Variants in DOCK4 observed in about 807,000 individuals in gnomAD.
DOCK4 encodes dedicator of cytokinesis 4.
DOCK4 carries 97 observed loss-of-function variants against 268.1 expected under a neutral mutation model. The ratio of observed to expected loss-of-function variants is 0.36; its 90% CI spans 0.31 to 0.43. The LOEUF (loss-of-function observed/expected upper bound fraction) is 0.43, where lower values mean the gene tolerates loss of function less well. DOCK4 is among the 20% of genes least tolerant of loss of function. The pLI is 1.00. For synonymous variants in DOCK4, 954 were observed against 887.2 expected, an observed-to-expected ratio of 1.08 and a Z score of -1.34; for missense variants, 2,145 against 2,455.7, an observed-to-expected ratio of 0.87 and a Z score of 2.67.
chr7:111,731,380 TA>T (rs1325097772), intron 52 of DOCK4, among the ~76,000 whole-genome samples: 1 of 152,200 alleles, frequency 6.6e-6, no homozygotes, highest in Non-Finnish European at 1.5e-5. Context: ...GCACATTAGC[TA>T]GAACTAGCTC....
intron 10 of DOCK4, among the ~76,000 whole-genome samples, chr7:111,944,517 C>T (rs1795461673): frequency 6.6e-6 from 1 of 152,136 alleles, no homozygotes; most frequent in Admixed American, 6.5e-5. Flanking sequence ...GAGACAAACA[C>T]AGAATTTTTG....
intron 1 of DOCK4, among the ~76,000 whole-genome samples, chr7:112,047,123 C>G (rs1043283008): frequency 1.3e-5 from 2 of 152,130 alleles, no homozygotes; most frequent in African/African-American, 4.8e-5. Flanking sequence ...CCTCCTAATT[C>G]GTGGGACACT....
chr7:112,087,183 T>C (rs965783863), intron 1 of DOCK4, among the ~76,000 whole-genome samples: 5 of 152,100 alleles, frequency 3.3e-5, no homozygotes, highest in African/African-American at 1.2e-4. Context: ...TCAACACCTG[T>C]AGTTCTTGAT....
At chr7:112,110,710 G>T (rs1166315780) in intron 1 of DOCK4, among the ~76,000 whole-genome samples, 2 of 152,178 alleles carry the variant, frequency 1.3e-5, no homozygotes, top group Non-Finnish European at 2.9e-5. Flanking sequence ...TAGCCTTTCA[G>T]ATTAAAGATT....
At chr7:111,816,514 T>C (rs1253003211) in intron 27 of DOCK4, among the ~76,000 whole-genome samples, 2 of 152,214 alleles carry the variant, frequency 1.3e-5, no homozygotes, top group Non-Finnish European at 2.9e-5. Flanking sequence ...TACCACTACC[T>C]ATGGCTTGGG....
At chr7:111,805,630 G>A (rs1032306926) in intron 30 of DOCK4, among the ~76,000 whole-genome samples, 1 of 152,164 alleles carries the variant, frequency 6.6e-6, no homozygotes, top group Non-Finnish European at 1.5e-5. Context: ...TTTAAAAGCA[G>A]ACAAGTCACT....
intron 41 of DOCK4, among the ~76,000 whole-genome samples, chr7:111,757,137 G>A (rs1310569432): frequency 2.0e-5 from 3 of 152,004 alleles, no homozygotes; most frequent in African/African-American, 7.3e-5. Flanking sequence ...AGGGAGGAGG[G>A]GTGAGTGGGT....
At chr7:111,842,364 AC>A (rs1803767553) in intron 25 of DOCK4, among the ~76,000 whole-genome samples, 1 of 152,172 alleles carries the variant, frequency 6.6e-6, no homozygotes, top group South Asian at 2.1e-4. Flanking sequence ...GTCCCAAAAA[AC>A]CTTATTTCTC....
At chr7:111,943,649 T>C (rs1795376948) in intron 10 of DOCK4, among the ~76,000 whole-genome samples, 1 of 152,136 alleles carries the variant, frequency 6.6e-6, no homozygotes, top group African/African-American at 2.4e-5. Flanking sequence ...ATTCCAACCT[T>C]TTCAAAGATT....
chr7:111,778,781 G>A (rs1247002927), intron 35 of DOCK4, among the ~76,000 whole-genome samples: 1 of 152,140 alleles, frequency 6.6e-6, no homozygotes, highest in Non-Finnish European at 1.5e-5. Context: ...TCTCAGCTGG[G>A]CACGGTGGCT....
intron 12 of DOCK4, among the ~76,000 whole-genome samples, chr7:111,927,928 A>G (rs1241608457): frequency 6.6e-6 from 1 of 152,192 alleles, no homozygotes; most frequent in Non-Finnish European, 1.5e-5. Flanking sequence ...CTCTGAAAAC[A>G]AAGTGTTGCA....
rs539313388 is a variant in DOCK4, at chr7:111,863,544, G to A, written c.2301C>T (p.Phe767=). The change falls in exon 23 of 53, where the codon TTC becomes TTT. Residue 767 remains phenylalanine (F), a synonymous_variant. Transcript: ENST00000428084. ...SQSQAVFLSS[F]PAVYSELLKL... ...TCAACAGTTCTGAGTACACGGCAGGGAAAGAGCTCAGAAACACAGCCTTAA... is the reference window on the plus strand; with the variant it reads ...TCAACAGTTCTGAGTACACGGCAGGAAAAGAGCTCAGAAACACAGCCTTAA... The A allele has an allele frequency of 1.2e-6, 2 of 1,606,786 alleles. No individual in the cohort carries two copies. The highest frequency in any genetic ancestry group is 1.1e-5 in the South Asian group (1 of 90,360).
At position 111,762,762 on chromosome 7, in the gene DOCK4, C is replaced by CTTTTTTTTTTTTTTTTTTTTTTTT. The variant is rs869052136; in HGVS notation, c.4020+2332_4020+2355dup. Among the ~76,000 whole-genome samples, 124 of 63,060 alleles carry CTTTTTTTTTTTTTTTTTTTTTTTT rather than the reference C, an allele frequency of 2.0e-3. 19 individuals carry two copies. Among genetic ancestry groups the CTTTTTTTTTTTTTTTTTTTTTTTT allele is most frequent in the South Asian group, 2.7e-3 (3 of 1,132 alleles). The allele number at this position is 63,060 out of a possible 152,430, so 41.4% of individuals were successfully genotyped here. A position where few individuals can be genotyped will look rare whatever the true frequency, so the allele number is the denominator to read the frequency against. ...TAAATAACCCATTTTGTTTTGTTTT[C>CTTTTTTTTTTTTTTTTTTTTTTTT]TTTTTTTTTTTTTTTTTTTTTTTTG... On this transcript the variant is annotated intron_variant, in intron 39 of 52. Coordinates refer to ENST00000428084, the MANE Select transcript of DOCK4 (RefSeq NM_001363540.2).
At chr7:111,989,197 C>A in intron 5 of DOCK4, 34 bp from the exon 6 acceptor site, 1 of 1,612,264 alleles carries the variant, frequency 6.2e-7, no homozygotes, top group South Asian at 1.1e-5. Flanking sequence ...ATTTGGCAGT[C>A]AGTACCTATA....
chr7:112,074,585 C>G (rs1428502744), intron 1 of DOCK4, among the ~76,000 whole-genome samples: 1 of 152,198 alleles, frequency 6.6e-6, no homozygotes, highest in Non-Finnish European at 1.5e-5. Context: ...AAGGGACATA[C>G]TCCTTCCTGT....
intron 44 of DOCK4, among the ~76,000 whole-genome samples, chr7:111,743,842 CAG>C (rs1796093408): frequency 6.6e-6 from 1 of 152,164 alleles, no homozygotes. Flanking sequence ...TTTTTAGAGA[CAG>C]AGTCTCACTC....
chr7:112,188,220 C>T (rs927141678), intron 1 of DOCK4, among the ~76,000 whole-genome samples: 2 of 152,222 alleles, frequency 1.3e-5, no homozygotes, highest in Non-Finnish European at 2.9e-5. Context: ...TACACTTCAC[C>T]TTCAGTTACT....
rs539605895 is a variant in DOCK4, at chr7:112,201,648, C to T, written c.37+4454G>A. 2.3e-4 allele frequency among the ~76,000 whole-genome samples: 20 copies of T among 87,504 alleles called. No individual in the cohort carries two copies. In the East Asian group the frequency reaches 2.4e-3, roughly 11 times the overall value. The allele number at this position is 87,504 out of a possible 152,430, so 57.4% of individuals were successfully genotyped here. A position where few individuals can be genotyped will look rare whatever the true frequency, so the allele number is the denominator to read the frequency against. On this transcript the variant is annotated intron_variant, in intron 1 of 52. Coordinates refer to ENST00000428084, the MANE Select transcript of DOCK4 (RefSeq NM_001363540.2). ...ATGAATAATTCCCACCACTTTAAGGCGGGGTGGGGAGGGGGGAGGAATGGG... is the reference window on the plus strand; with the variant it reads ...ATGAATAATTCCCACCACTTTAAGGTGGGGTGGGGAGGGGGGAGGAATGGG...
In DOCK4 at chr7:111,778,281, A is replaced by T. The variant is rs1798578549; in HGVS notation, c.3674T>A (p.Phe1225Tyr). 6.2e-7 allele frequency: 1 copy of T among 1,607,786 alleles called. No individual in the cohort carries two copies. The highest frequency in any genetic ancestry group is 2.2e-5 in the East Asian group (1 of 44,738). ...LYDLHLKAQN[F>Y]TEAAYTLLLY... is the part of the protein sequence containing the mutation. ...GAGCCAAAAGACAGAATTACCTGTA[A>T]AGTTCTGTGCTTTGAGATGCAGATC... Residue 1225 changes from phenylalanine to tyrosine, a missense_variant, in exon 36 of 53, where the codon TTT (phenylalanine) becomes TAT (tyrosine). This residue lies in a region of DOCK4 where 1,598 missense variants were observed against 1,986.7 expected (regional missense o/e 0.80). Coordinates refer to ENST00000428084, the MANE Select transcript of DOCK4 (RefSeq NM_001363540.2).
Sources: gnomAD v4.1 joint callset for allele counts (sites outside exome capture counted in the v4.1 genomes callset) on GRCh38, gnomAD v4.1.1 for gene constraint, gnomAD v4.1.1 regional missense constraint, MANE v1.5 for transcripts, NCBI Gene and HGNC (gene_info 2026-07-23, HGNC 2026-07-21) for gene names.